The following TMEFF1 variants were observed in gnomAD, a reference collection of about 807,000 sequenced individuals.
The protein encoded by TMEFF1 is tomoregulin-1.
TMEFF1 carries 20 observed loss-of-function variants against 47.5 expected under a neutral mutation model. The observed-to-expected ratio is 0.42, with a 90% CI of 0.30 to 0.61. TMEFF1 has a LOEUF of 0.61. Among genes scored for constraint, TMEFF1 ranks in the 20% least tolerant of loss-of-function variants. The pLI is 0.19. For synonymous variants in TMEFF1, 162 were observed against 166.3 expected (o/e 0.97, Z 0.20); for missense variants, 411 against 471.1 (o/e 0.87, Z 1.18).
intron 2 of TMEFF1, among the ~76,000 whole-genome samples, chr9:100,507,435 A>C (rs1837883866): frequency 6.6e-6 from 1 of 152,130 alleles, no homozygotes; most frequent in African/African-American, 2.4e-5. Flanking sequence ...GAAATCTCCA[A>C]ACTGCTCTCC....
chr9:100,564,562 C>T (rs1839086424), intron 8 of TMEFF1, among the ~76,000 whole-genome samples: 1 of 152,142 alleles, frequency 6.6e-6, no homozygotes, highest in Admixed American at 6.5e-5. Context: ...CACAGCTATA[C>T]ATGAGGCGAT....
At chr9:100,532,848 A>G (rs1587841539) in intron 5 of TMEFF1, among the ~76,000 whole-genome samples, 1 of 152,200 alleles carries the variant, frequency 6.6e-6, no homozygotes, top group East Asian at 1.9e-4. Context: ...CAAATGTCCA[A>G]CAATGATAGA....
chr9:100,576,734 A>C lies in TMEFF1; in HGVS notation c.*134A>C. On this transcript the variant is annotated 3_prime_UTR_variant, in exon 10 of 10. Transcript: ENST00000374879. ...GTAGTACTGTTGGCTCGTATTTAGAATATTCAGCTACGACAGTTTTGGACT... is the reference window on the plus strand; with the variant it reads ...GTAGTACTGTTGGCTCGTATTTAGACTATTCAGCTACGACAGTTTTGGACT... 9.3e-7 allele frequency: 1 copy of C among 1,077,288 alleles called. No individual in the cohort carries two copies. Among genetic ancestry groups the C allele is most frequent in the African/African-American group, 1.6e-5 (1 of 62,922 alleles). 66.7% of individuals were successfully genotyped at this position (1,077,288 alleles called of 1,614,324 possible).
At chr9:100,482,604 A>G (rs1837363448) in intron 1 of TMEFF1, among the ~76,000 whole-genome samples, 1 of 152,162 alleles carries the variant, frequency 6.6e-6, no homozygotes, top group African/African-American at 2.4e-5. Flanking sequence ...TACTTTGCCC[A>G]GTCCTCAACC....
At chr9:100,558,903 C>A (rs1931140) in intron 7 of TMEFF1, among the ~76,000 whole-genome samples, 36,004 of 151,898 alleles carry the variant, frequency 0.24, 4,830 homozygotes, top group African/African-American at 0.35. Context: ...AACAACCCTA[C>A]AAGAAGTAGA....
chr9:100,562,993 T>C lies in TMEFF1; in HGVS notation c.899+1473T>C, dbSNP rs138204027. Among the ~76,000 whole-genome samples, 1,145 of 152,210 alleles carry C rather than the reference T, an allele frequency of 7.5e-3. 19 individuals are homozygous for C. The highest frequency in any genetic ancestry group is 0.011 in the Non-Finnish European group (761 of 68,002). ...CCACCATGCCCAGCTAATTTTTGTA[T>C]TTTTAGTAGAGATGGGGTTTCACTA... On this transcript the variant is annotated intron_variant, in intron 8 of 9. Transcript: ENST00000374879.
intron 1 of TMEFF1, among the ~76,000 whole-genome samples, chr9:100,481,838 G>C (rs922950591): frequency 7.2e-5 from 11 of 152,170 alleles, no homozygotes; most frequent in African/African-American, 2.7e-4. Context: ...CTGGAGTGCA[G>C]TGGCATGATC....
chr9:100,501,155 T>C (rs1320526723), intron 2 of TMEFF1, among the ~76,000 whole-genome samples: 1 of 152,208 alleles, frequency 6.6e-6, no homozygotes, highest in Non-Finnish European at 1.5e-5. Context: ...AGTCATCCTG[T>C]GTGGGGAAGA....
intron 2 of TMEFF1, among the ~76,000 whole-genome samples, chr9:100,505,436 A>C (rs925960354): frequency 2.7e-5 from 4 of 150,786 alleles, no homozygotes; most frequent in Non-Finnish European, 5.9e-5. Flanking sequence ...AAAAAAAAAA[A>C]AAAAACAACT....
chr9:100,496,801 T>G (rs540163496), intron 1 of TMEFF1, among the ~76,000 whole-genome samples: 111 of 152,298 alleles, frequency 7.3e-4, no homozygotes, highest in Middle Eastern at 3.4e-3. Context: ...CTTATTCTTG[T>G]TTTTTATGTC....
intron 8 of TMEFF1, among the ~76,000 whole-genome samples, chr9:100,566,971 G>A (rs894190686): frequency 1.3e-5 from 2 of 152,042 alleles, no homozygotes; most frequent in South Asian, 2.1e-4. Context: ...GGCTGGTCTC[G>A]AATTCCTGAC....
intron 9 of TMEFF1, among the ~76,000 whole-genome samples, chr9:100,576,113 C>T (rs1206700450): frequency 6.6e-6 from 1 of 152,120 alleles, no homozygotes; most frequent in Non-Finnish European, 1.5e-5. Flanking sequence ...GCTGTCTTCT[C>T]ATAATGCACA....
At chr9:100,510,083 C>T (rs1427020553) in intron 3 of TMEFF1, among the ~76,000 whole-genome samples, 3 of 152,110 alleles carry the variant, frequency 2.0e-5, no homozygotes, top group African/African-American at 7.2e-5. Flanking sequence ...CTATATATTA[C>T]AGTGTTCAGA....
At chr9:100,532,428 G>A (rs1470371983) in intron 5 of TMEFF1, among the ~76,000 whole-genome samples, 1 of 152,026 alleles carries the variant, frequency 6.6e-6, no homozygotes. Flanking sequence ...GTGGGCAAAG[G>A]ACATGAACAG....
rs189804202 is a variant in TMEFF1 at position 100,558,633 on chromosome 9, C to T, written c.776-2764C>T. The stretch of plus-strand genomic sequence containing the variant: ...GGACTACTGCAGACAGCCCAGTTCA[C>T]TAAGGAATTCAAGATGGAAACCTTT... On this transcript the variant is annotated intron_variant, in intron 7 of 9. Coordinates refer to ENST00000374879, the MANE Select transcript of TMEFF1 (RefSeq NM_003692.5). Among the ~76,000 whole-genome samples the T allele has an allele frequency of 3.7e-3, 569 of 151,766 alleles. 2 individuals carry two copies. The highest frequency in any genetic ancestry group is 0.014 in the Middle Eastern group (4 of 294).
At chr9:100,555,162 GACACACACACACAC>G (rs112017161) in intron 7 of TMEFF1, among the ~76,000 whole-genome samples, 49 of 144,476 alleles carry the variant, frequency 3.4e-4, no homozygotes, top group African/African-American at 1.2e-3. Flanking sequence ...TGTACACACA[GACACACACACACAC>G]ACACACACAC....
intron 1 of TMEFF1, among the ~76,000 whole-genome samples, chr9:100,490,836 G>GGTGTGTGTGTGTGTGTGTGTGTGTGTGT: frequency 7.3e-6 from 1 of 136,086 alleles, no homozygotes; most frequent in East Asian, 2.3e-4. Flanking sequence ...TTATATGTAT[G>GGTGTGTGTGTGTGTGTGTGTGTGTGTGT]GTGTGTGTGT....
intron 8 of TMEFF1, among the ~76,000 whole-genome samples, chr9:100,563,554 T>A (rs763353418): frequency 1.9e-4 from 29 of 152,258 alleles, no homozygotes; most frequent in Non-Finnish European, 3.7e-4. Flanking sequence ...GTAAAATATC[T>A]AAGCCTCATT....
At chr9:100,531,487 A>G (rs1001283323) in intron 5 of TMEFF1, among the ~76,000 whole-genome samples, 1 of 152,154 alleles carries the variant, frequency 6.6e-6, no homozygotes, top group African/African-American at 2.4e-5. Flanking sequence ...CCCATTCACA[A>G]TTGCTTCAAA....
Sources: allele counts gnomAD v4.1 joint callset (sites outside exome capture counted in the v4.1 genomes callset), GRCh38; gene constraint gnomAD v4.1.1; transcripts MANE v1.5; gene names NCBI Gene and HGNC (gene_info 2026-07-23, HGNC 2026-07-21).